The following ANKRD11 variants were observed in gnomAD, a reference collection of about 807,000 sequenced individuals.
The protein encoded by ANKRD11 is ankyrin repeat domain-containing protein 11.
Under a neutral mutation model 195.7 loss-of-function variants are expected in ANKRD11, and 17 were observed. The observed-to-expected ratio is 0.09, with a 90% CI of 0.06 to 0.13. ANKRD11 has a LOEUF of 0.13. Ranked by LOEUF, ANKRD11 falls within the 10% of genes least tolerant of loss-of-function variation. The probability of loss-of-function intolerance (pLI) is 1.00; values close to 1 mark genes in which losing one functional copy is unlikely to be tolerated. For synonymous variants in ANKRD11, 1,953 were observed against 1,528.1 expected, an observed-to-expected ratio of 1.28 and a Z score of -6.49; for missense variants, 3,735 against 3,566.1, an observed-to-expected ratio of 1.05 and a Z score of -1.21.
At chr16:89,276,237 G>A (rs2033641317) in intron 9 of ANKRD11, among the ~76,000 whole-genome samples, 1 of 152,234 alleles carries the variant, frequency 6.6e-6, no homozygotes, top group South Asian at 2.1e-4. Flanking sequence ...GCAGGCGGAA[G>A]GGGTGGCTCC....
intron 1 of ANKRD11, among the ~76,000 whole-genome samples, chr16:89,465,525 G>C (rs114955678): frequency 4.6e-5 from 7 of 152,062 alleles, no homozygotes; most frequent in Non-Finnish European, 8.8e-5. Flanking sequence ...ACACATCCGC[G>C]GAAAGCCTGC....
At chr16:89,448,719 A>G (rs2043920026) in intron 1 of ANKRD11, among the ~76,000 whole-genome samples, 1 of 152,216 alleles carries the variant, frequency 6.6e-6, no homozygotes, top group African/African-American at 2.4e-5. Context: ...GAGGCCTTAC[A>G]GTACCCTAAA....
At position 89,279,748 on chromosome 16, in the gene ANKRD11, G is replaced by T; in HGVS notation, c.6794C>A (p.Ala2265Asp). 6.6e-7 allele frequency: 1 copy of T among 1,525,266 alleles called. No homozygotes were observed. The highest frequency in any genetic ancestry group is 8.8e-7 in the Non-Finnish European group (1 of 1,139,808). The allele number at this position is 1,525,266 out of a possible 1,614,324, so 94.5% of individuals were successfully genotyped here. Residue 2265 changes from alanine to aspartate, a missense_variant, in exon 9 of 13, where the codon GCC (alanine) becomes GAC (aspartate). Ala to Asp is a moderately radical substitution (Grantham distance 126). Coordinates refer to ENST00000301030, the MANE Select transcript of ANKRD11 (RefSeq NM_013275.6). The surrounding 1 kb of genome is among the most constrained non-coding windows in gnomAD (Gnocchi z 5.6). ...GCCGTCAGGGGCACAGAGGGACGCG[G>T]CGGGGGGGCCTTCAGCCTCAGCCCC... ...DQGAEAEGPP[A>D]ASLCAPDGPA...
Position 89,281,059 on chromosome 16 carries a change from G to A in ANKRD11, c.5483C>T (p.Ser1828Leu), listed in dbSNP as rs755632399. The change falls in exon 9 of 13, where the codon TCG becomes TTG. Residue 1828 changes from serine (S) to leucine (L), a missense_variant. Ser to Leu is a moderately radical substitution (Grantham distance 145, BLOSUM62 -2). Transcript: ENST00000301030. This position sits in a 1 kb window ranked among gnomAD's most constrained non-coding sequence, Gnocchi z 5.5. The part of the protein sequence containing the change: ...ASSYDSPMPP[S>L]MEDRAPLPPV... Reference sequence around the variant, plus strand: ...GGGCAGGGGCGCCCTGTCTTCCATCGAGGGTGGCATGGGAGAGTCGTAGCT... The same window carrying A: ...GGGCAGGGGCGCCCTGTCTTCCATCAAGGGTGGCATGGGAGAGTCGTAGCT... The A allele has an allele frequency of 5.6e-6, 9 of 1,605,996 alleles. No homozygotes were observed. The highest frequency in any genetic ancestry group is 5.5e-5 in the South Asian group (5 of 90,658).
intron 2 of ANKRD11, among the ~76,000 whole-genome samples, chr16:89,336,096 T>G (rs974221940): frequency 2.0e-5 from 3 of 152,246 alleles, no homozygotes; most frequent in Non-Finnish European, 2.9e-5. Context: ...ACTGTTAATT[T>G]GCTGATCGTT....
At position 89,282,792 on chromosome 16, in the gene ANKRD11, G is replaced by C. The variant is rs758731918; in HGVS notation, c.3750C>G (p.Asp1250Glu). ...TCTCTTTGTGTTTGCTTTTAGCCTT[G>C]TCTTCGGCAGCGTGCTTCTTTTCAG... is the stretch of plus-strand genomic sequence containing the variant. ...EKAEKKHAAE[D>E]KAKSKHKEKS... The change falls in exon 9 of 13, where the codon GAC (aspartate) becomes GAG (glutamate). Residue 1250 changes from aspartate to glutamate, a missense_variant. Coordinates refer to ENST00000301030, the MANE Select transcript of ANKRD11 (RefSeq NM_013275.6). The C allele has an allele frequency of 2.5e-6, 4 of 1,611,534 alleles. No homozygotes were observed. Among genetic ancestry groups the C allele is most frequent in the South Asian group, 1.1e-5 (1 of 91,048 alleles).
At chr16:89,275,575 C>G (rs1307014581) in intron 9 of ANKRD11, among the ~76,000 whole-genome samples, 1 of 152,148 alleles carries the variant, frequency 6.6e-6, no homozygotes, top group Non-Finnish European at 1.5e-5. Context: ...CCTGTGTTCA[C>G]AGGGAGGGCC....
In ANKRD11 at chr16:89,292,399, G is replaced by A. The variant is rs116162692; in HGVS notation, c.227-1216C>T. Among the ~76,000 whole-genome samples, 346 of 152,308 alleles carry A rather than the reference G, an allele frequency of 2.3e-3. 1 individual carries two copies. The highest frequency in any genetic ancestry group is 7.9e-3 in the African/African-American group (330 of 41,568). On this transcript the variant is annotated intron_variant, in intron 4 of 12. Coordinates refer to ENST00000301030, the MANE Select transcript of ANKRD11 (RefSeq NM_013275.6). ...TCTCTCAGCTCAGCTCCCAGGGCCC[G>A]ACTCTCTTGCTGTTCACCACCATGG...
chr16:89,420,381 C>A (rs1304139910), intron 1 of ANKRD11: 1 of 152,184 alleles, frequency 6.6e-6, no homozygotes, highest in Non-Finnish European at 1.5e-5. Context: ...AGTAAGGCCA[C>A]CCAGCAAATC....
At chr16:89,309,625 G>A (rs2036499169) in intron 3 of ANKRD11, among the ~76,000 whole-genome samples, 1 of 152,226 alleles carries the variant, frequency 6.6e-6, no homozygotes, top group Admixed American at 6.5e-5. Context: ...ACAACAGGGA[G>A]CGTGGCACAG....
At chr16:89,396,205 G>A (rs921716795) in intron 2 of ANKRD11, 1 of 152,208 alleles carries the variant, frequency 6.6e-6, no homozygotes, top group Admixed American at 6.5e-5. Flanking sequence ...AAGTCTCCCT[G>A]GAAGAGACAG....
intron 2 of ANKRD11, among the ~76,000 whole-genome samples, chr16:89,336,459 G>A (rs1389253939): frequency 6.6e-6 from 1 of 152,256 alleles, no homozygotes; most frequent in Non-Finnish European, 1.5e-5. Flanking sequence ...GGTGAACACT[G>A]AAGGAGGGGC....
At chr16:89,298,953 C>G (rs1455526969) in intron 4 of ANKRD11, 2 of 152,302 alleles carry the variant, frequency 1.3e-5, no homozygotes, top group East Asian at 3.8e-4. Context: ...CCCCAGAATC[C>G]TCACTGCGGC....
At chr16:89,275,676 C>T (rs1416516380) in intron 9 of ANKRD11, among the ~76,000 whole-genome samples, 2 of 151,984 alleles carry the variant, frequency 1.3e-5, no homozygotes, top group Non-Finnish European at 2.9e-5. Flanking sequence ...TGCAGTGGCT[C>T]GGGGGAGGGA....
chr16:89,420,935 G>T (rs1286238317), intron 1 of ANKRD11, among the ~76,000 whole-genome samples: 1 of 152,248 alleles, frequency 6.6e-6, no homozygotes, highest in Non-Finnish European at 1.5e-5. Context: ...AAGCTATGTT[G>T]TCAAACAGAA....
At chr16:89,362,873 A>G (rs2039791360) in intron 2 of ANKRD11, among the ~76,000 whole-genome samples, 1 of 151,982 alleles carries the variant, frequency 6.6e-6, no homozygotes, top group African/African-American at 2.4e-5. Flanking sequence ...CCTCTTTTAA[A>G]AAGTTCTAAG....
intron 2 of ANKRD11, among the ~76,000 whole-genome samples, chr16:89,352,544 C>G (rs557233799): frequency 6.6e-6 from 1 of 152,202 alleles, no homozygotes; most frequent in African/African-American, 2.4e-5. Context: ...GCCCTGCCCC[C>G]AAGAGTGAGG....
At chr16:89,344,726 CGAGGGCACGGGAGCACAGCG>C (rs199567923) in intron 2 of ANKRD11, among the ~76,000 whole-genome samples, 2,223 of 152,008 alleles carry the variant, frequency 0.015, 47 homozygotes, top group African/African-American at 0.05. Context: ...CTCCCAAGCA[CGAGGGCACGGGAGCACAGCG>C]GAGGGCACGG....
chr16:89,460,773 G>T (rs1014152526), intron 1 of ANKRD11, among the ~76,000 whole-genome samples: 1 of 152,084 alleles, frequency 6.6e-6, no homozygotes, highest in Non-Finnish European at 1.5e-5. Flanking sequence ...TGACCTGCAG[G>T]GGGTAGTCAC....
Sources: gnomAD v4.1 joint callset for allele counts (sites outside exome capture counted in the v4.1 genomes callset) on GRCh38, gnomAD v4.1.1 for gene constraint, Gnocchi (gnomAD v3.1) non-coding constraint, MANE v1.5 for transcripts, NCBI Gene and HGNC (gene_info 2026-07-23, HGNC 2026-07-21) for gene names.